SLC2A7: variants seen among roughly 807,000 people sequenced by gnomAD.
The protein encoded by SLC2A7 is solute carrier family 2 member 7, also known as solute carrier family 2, facilitated glucose transporter member 7.
Under a neutral mutation model 50.5 loss-of-function variants are expected in SLC2A7, and 50 were observed. That is an observed-to-expected ratio of 0.99 (90% CI 0.79 to 1.25). The LOEUF (loss-of-function observed/expected upper bound fraction) is 1.25. Ranked by LOEUF, SLC2A7 falls within the 50% of genes most tolerant of loss-of-function variation. The pLI is 0.00. For synonymous variants in SLC2A7, 308 were observed against 300.4 expected (o/e 1.03, Z -0.26); for missense variants, 683 against 679.1 (o/e 1.01, Z -0.06).
chr1:9,019,079 G>A, intron 4 of SLC2A7, 130 bp downstream of exon 4: 3 of 1,224,016 alleles, frequency 2.5e-6, no homozygotes, highest in East Asian at 2.5e-5. Context: ...AGGGCCTGGG[G>A]ATGCAGATGG....
At chr1:9,004,919 C>A in intron 10 of SLC2A7, 40 bp from the exon 11 acceptor site, 1 of 1,598,658 alleles carries the variant, frequency 6.3e-7, no homozygotes, top group Non-Finnish European at 8.5e-7. Flanking sequence ...GAGAAGGACC[C>A]AGGTGTCCCC....
intron 8 of SLC2A7, among the ~76,000 whole-genome samples, chr1:9,010,569 G>A (rs1390565533): frequency 6.6e-6 from 1 of 151,958 alleles, no homozygotes; most frequent in Non-Finnish European, 1.5e-5. Flanking sequence ...TGTTGGCCAG[G>A]CTGGTCTCGA....
chr1:9,008,656 C>G lies in SLC2A7; in HGVS notation c.1117-1271G>C, dbSNP rs538289905. 2.5e-4 allele frequency among the ~76,000 whole-genome samples: 38 copies of G among 149,596 alleles called. 1 individual carries two copies. In the South Asian group the frequency reaches 7.7e-3, roughly 30 times the overall value. ...CTCTGTCACCCAGGCTGGAGCAGTG[C>G]TGTGATCTTGGCTCACTGCAACCTC... On this transcript the variant is annotated intron_variant, in intron 9 of 11. Coordinates refer to ENST00000400906, the MANE Select transcript of SLC2A7 (RefSeq NM_207420.3). The surrounding 1 kb of genome is among the most constrained non-coding windows in gnomAD (Gnocchi z 5.9).
chr1:9,025,163 C>T, intron 1 of SLC2A7, 89 bp from the exon 2 acceptor site: 1 of 1,367,504 alleles, frequency 7.3e-7, no homozygotes. Context: ...CCAGCCTGGG[C>T]TGGAAGTGGG....
intron 2 of SLC2A7, 43 bp from the exon 3 acceptor site, chr1:9,023,121 T>A: frequency 6.3e-7 from 1 of 1,586,072 alleles, no homozygotes. Context: ...TATTGGGCAG[T>A]TCATGAGAAA....
chr1:9,020,836 T>C (rs980679934), intron 3 of SLC2A7, among the ~76,000 whole-genome samples: 1 of 152,084 alleles, frequency 6.6e-6, no homozygotes, highest in African/African-American at 2.4e-5. Flanking sequence ...GTGGCAGGTC[T>C]TCCCAGTGCT....
Position 9,004,820 on chromosome 1 carries a change from A to G in SLC2A7, c.1252T>C (p.Phe418Leu), listed in dbSNP as rs1441750568. ...IFLQSSRRAA[F>L]MVDGAVHWLT... ...CAGTGCACTGCCCCGTCCACCATGAAAGCTGCCCGCCGGGAGGACTGCAGG... is the reference window on the plus strand; with the variant it reads ...CAGTGCACTGCCCCGTCCACCATGAGAGCTGCCCGCCGGGAGGACTGCAGG... The change falls in exon 11 of 12, where the codon TTC (phenylalanine) becomes CTC (leucine). Residue 418 changes from phenylalanine to leucine, a missense_variant. Coordinates refer to ENST00000400906, the MANE Select transcript of SLC2A7 (RefSeq NM_207420.3). 3 of 1,613,952 alleles carry G rather than the reference A, an allele frequency of 1.9e-6. No homozygotes were observed. Among genetic ancestry groups the G allele is most frequent in the South Asian group, 2.2e-5 (2 of 91,078 alleles).
intron 11 of SLC2A7, 24 bp downstream of exon 11, chr1:9,004,728 G>T (rs1640627385): frequency 6.2e-7 from 1 of 1,613,466 alleles, no homozygotes; most frequent in Non-Finnish European, 8.5e-7. Context: ...GGTGGAGCGG[G>T]TTGGGGAAGG....
rs771930053 is a variant in SLC2A7, at chr1:9,026,323, G to T, written c.23C>A (p.Thr8Asn). 11 of 1,607,862 alleles carry T rather than the reference G, an allele frequency of 6.8e-6. No individual in the cohort carries two copies. Among genetic ancestry groups the T allele is most frequent in the African/African-American group, 1.3e-5 (1 of 74,960 alleles). Residue 8 changes from threonine (T) to asparagine (N), a missense_variant, in exon 1 of 12, where the codon ACC becomes AAC. Thr to Asn is a moderately conservative substitution (Grantham distance 65). Transcript: ENST00000400906. The part of the protein sequence containing the change: MENKEAG[T>N]PPPIPSREGR... ...CTCCCTGGATGGAATGGGTGGAGGG[G>T]TTCCCGCCTCTTTGTTCTCCATCCT...
At chr1:9,025,646 A>T (rs1167460890) in intron 1 of SLC2A7, among the ~76,000 whole-genome samples, 1 of 151,990 alleles carries the variant, frequency 6.6e-6, no homozygotes, top group Non-Finnish European at 1.5e-5. Flanking sequence ...AGACAGAGGG[A>T]CTCATTGCTT....
intron 7 of SLC2A7, among the ~76,000 whole-genome samples, chr1:9,013,933 G>A (rs1640788007): frequency 6.6e-6 from 1 of 152,146 alleles, no homozygotes; most frequent in African/African-American, 2.4e-5. Flanking sequence ...CCATCATTCA[G>A]TTACTCTAAG....
intron 1 of SLC2A7, among the ~76,000 whole-genome samples, chr1:9,025,992 C>G (rs1266110545): frequency 6.6e-6 from 1 of 152,196 alleles, no homozygotes; most frequent in Non-Finnish European, 1.5e-5. Context: ...TCTTCAGAGG[C>G]CATCTCCCCT....
chr1:9,023,765 A>T lies in SLC2A7; in HGVS notation c.151-687T>A, dbSNP rs200356871. 4.8e-3 allele frequency among the ~76,000 whole-genome samples: 302 copies of T among 62,684 alleles called. 16 individuals carry two copies. In the East Asian group the frequency reaches 0.24, roughly 50 times the overall value. 41.1% of individuals were successfully genotyped at this position (62,684 alleles called of 152,430 possible). On this transcript the variant is annotated intron_variant, in intron 2 of 11. Coordinates refer to ENST00000400906, the MANE Select transcript of SLC2A7 (RefSeq NM_207420.3). ...CTATTAAAAAAGAAGAGAAAAGAAA[A>T]GAAAAAAAAAATTTTACTTTTGAGA...
chr1:9,007,237 C>A, intron 10 of SLC2A7, 73 bp downstream of exon 10: 1 of 1,536,734 alleles, frequency 6.5e-7, no homozygotes, highest in South Asian at 1.1e-5. Flanking sequence ...AAATATGTGT[C>A]GAGCACTGAC....
intron 8 of SLC2A7, among the ~76,000 whole-genome samples, chr1:9,012,861 G>A (rs542267326): frequency 6.6e-6 from 1 of 152,254 alleles, no homozygotes; most frequent in South Asian, 2.1e-4. Flanking sequence ...TACAAAGGAA[G>A]AAACTTGGAT....
chr1:9,013,375 G>A, intron 8 of SLC2A7, 150 bp downstream of exon 8: 1 of 575,902 alleles, frequency 1.7e-6, no homozygotes, highest in Non-Finnish European at 2.9e-6. Flanking sequence ...CATGCAGGTA[G>A]TTAGTATGTG....
the SLC2A7 span, among the ~76,000 whole-genome samples, chr1:8,996,285 G>A: frequency 2.0e-5 from 3 of 152,232 alleles, no homozygotes; most frequent in East Asian, 1.9e-4. Flanking sequence ...AGGCACTTTC[G>A]GAGGGTCTTT....
chr1:9,014,539 T>G, intron 7 of SLC2A7, 142 bp downstream of exon 7: 1 of 975,092 alleles, frequency 1.0e-6, no homozygotes, highest in Admixed American at 3.0e-5. Flanking sequence ...AGGAGTGAGG[T>G]TTCTTCCTGA....
At position 9,024,767 on chromosome 1, in the gene SLC2A7, C is replaced by T. The variant is rs550678510; in HGVS notation, c.150+209G>A. Reference sequence around the variant, plus strand: ...AGCATCCCAATGTGCCCGGAAAGGACGACACTCCAGGGGGAAACACCTCCT... The same window carrying T: ...AGCATCCCAATGTGCCCGGAAAGGATGACACTCCAGGGGGAAACACCTCCT... On this transcript the variant is annotated intron_variant, in intron 2 of 11. Transcript: ENST00000400906. Among the ~76,000 whole-genome samples the T allele has an allele frequency of 2.0e-5, 3 of 152,194 alleles. No homozygotes were observed. The South Asian group carries it at 6.2e-4, about 32-fold the overall frequency.
Sources: gnomAD v4.1 joint callset for allele counts (sites outside exome capture counted in the v4.1 genomes callset) on GRCh38, gnomAD v4.1.1 for gene constraint, Gnocchi (gnomAD v3.1) non-coding constraint, MANE v1.5 for transcripts, NCBI Gene and HGNC (gene_info 2026-07-23, HGNC 2026-07-21) for gene names.